Variants in GUCA2B observed in about 807,000 individuals in gnomAD.
The protein encoded by GUCA2B is guanylate cyclase activator 2B.
In GUCA2B, 7 loss-of-function variants were observed where a neutral mutation model predicts 11.1. The observed-to-expected ratio is 0.63, with a 90% CI of 0.36 to 1.18. The LOEUF (loss-of-function observed/expected upper bound fraction) is 1.18. GUCA2B is among the 50% of genes most tolerant of loss of function. The pLI is 0.02. For missense variants in GUCA2B, 140 were observed against 142.5 expected (o/e 0.98, Z 0.09); for synonymous variants, 69 against 65.3 (o/e 1.06, Z -0.27).
At position 42,155,534 on chromosome 1, in the gene GUCA2B, G is replaced by A; in HGVS notation, c.278-1G>A. On this transcript the variant is annotated splice_acceptor_variant, in intron 2 of 2. Transcript: ENST00000372581. LOFTEE classifies it high-confidence loss of function. ...AACTGACCAGTTCTCTCCCTGCCCA[G>A]GGACCATCGCTAACGACGACTGTGA... 1 of 1,613,676 alleles carries A rather than the reference G, an allele frequency of 6.2e-7. No individual in the cohort carries two copies. Among genetic ancestry groups the A allele is most frequent in the Non-Finnish European group, 8.5e-7 (1 of 1,179,576 alleles).
In GUCA2B at chr1:42,154,755, C is replaced by A. The variant is rs774560537; in HGVS notation, c.166C>A (p.Arg56Ser). The stretch of plus-strand genomic sequence containing the variant: ...GGAGGCACAGTGGGCACCCAGCCCC[C>A]GCCTGCAGGCCCAGAGCCTCCTGCC... ...DLEAQWAPSP[R>S]LQAQSLLPAV... is the part of the protein sequence containing the mutation. Residue 56 changes from arginine (R) to serine (S), a missense_variant, in exon 2 of 3, where the codon CGC becomes AGC. Transcript: ENST00000372581. 1 of 1,613,912 alleles carries A rather than the reference C, an allele frequency of 6.2e-7. No homozygotes were observed. The highest frequency in any genetic ancestry group is 2.2e-5 in the East Asian group (1 of 44,884).
At position 42,153,518 on chromosome 1, in the gene GUCA2B, G is replaced by A; in HGVS notation, c.68G>A (p.Ser23Asn). 5.6e-6 allele frequency: 9 copies of A among 1,612,250 alleles called. No homozygotes were observed. Among genetic ancestry groups the A allele is most frequent in the Non-Finnish European group, 7.6e-6 (9 of 1,179,060 alleles). ...GTGGTCCTCCTGCTGCTGCTGCAGA[G>A]CACACAGTCAGTCTACATCCAGGTG... Reference protein sequence around the residue: ...VAVVLLLLLQSTQSVYIQYQG... With the variant: ...VAVVLLLLLQNTQSVYIQYQG... Residue 23 changes from serine (S) to asparagine (N), a missense_variant, in exon 1 of 3, where the codon AGC becomes AAC. Transcript: ENST00000372581.
At position 42,154,785 on chromosome 1, in the gene GUCA2B, G is replaced by A. The variant is rs544541287; in HGVS notation, c.196G>A (p.Val66Met). 14 of 1,613,948 alleles carry A rather than the reference G, an allele frequency of 8.7e-6. No individual in the cohort carries two copies. The highest frequency in any genetic ancestry group is 2.7e-5 in the African/African-American group (2 of 74,946). The change falls in exon 2 of 3, where the codon GTG (valine) becomes ATG (methionine). Residue 66 changes from valine (V) to methionine (M), a missense_variant. By Grantham distance (21) the Val-to-Met change is conservative. Transcript: ENST00000372581. ...GCAGGCCCAGAGCCTCCTGCCCGCC[G>A]TGTGCCACCACCCTGCTCTGCCTCA... is the stretch of plus-strand genomic sequence containing the variant. ...RLQAQSLLPA[V>M]CHHPALPQDL... is the part of the protein sequence containing the mutation.
Position 42,153,434 on chromosome 1 carries a change from G to T in GUCA2B, c.-17G>T. ...TGGGAGACGGTGGACAGCGGCAGGGGGAACCCAGGGAGCGCGATGGGCTGC... is the reference window on the plus strand; with the variant it reads ...TGGGAGACGGTGGACAGCGGCAGGGTGAACCCAGGGAGCGCGATGGGCTGC... On this transcript the variant is annotated 5_prime_UTR_variant, in exon 1 of 3. Coordinates refer to ENST00000372581, the MANE Select transcript of GUCA2B (RefSeq NM_007102.3). The T allele has an allele frequency of 1.3e-6, 2 of 1,590,754 alleles. No homozygotes were observed. The highest frequency in any genetic ancestry group is 1.7e-6 in the Non-Finnish European group (2 of 1,162,438).
intron 1 of GUCA2B, among the ~76,000 whole-genome samples, chr1:42,153,916 G>A (rs147681847): frequency 6.6e-6 from 1 of 152,286 alleles, no homozygotes; most frequent in African/African-American, 2.4e-5. Flanking sequence ...AGGAGGACAG[G>A]CTCCAGAAAA....
intron 1 of GUCA2B, 67 bp downstream of exon 1, chr1:42,153,607 G>C: frequency 1.7e-6 from 2 of 1,185,834 alleles, no homozygotes; most frequent in Non-Finnish European, 2.5e-6. Context: ...GCTGGAGAGG[G>C]TGTACTGGGA....
chr1:42,155,704 G>GC lies in GUCA2B; in HGVS notation c.*108_*109insC. The GC allele has an allele frequency of 1.2e-6, 1 of 851,078 alleles. No individual in the cohort carries two copies. The highest frequency in any genetic ancestry group is 1.8e-5 in the Admixed American group (1 of 56,856). The allele number at this position is 851,078 out of a possible 1,614,324, so 52.7% of individuals were successfully genotyped here. On this transcript the variant is annotated 3_prime_UTR_variant, in exon 3 of 3. Coordinates refer to ENST00000372581, the MANE Select transcript of GUCA2B (RefSeq NM_007102.3). ...CTCAAGATGGGTCCCTGGCCACCATGGTCATCACCACCCTTCCAGGGCCTG... is the reference window on the plus strand; with the variant it reads ...CTCAAGATGGGTCCCTGGCCACCATGCGTCATCACCACCCTTCCAGGGCCTG...
chr1:42,154,878 C>T lies in GUCA2B; in HGVS notation c.277+12C>T, dbSNP rs562918827. 2.6e-5 allele frequency: 41 copies of T among 1,599,336 alleles called. No individual in the cohort carries two copies. The African/African-American group carries it at 4.4e-4, about 17-fold the overall frequency. ...CTTCAAGACCCTGAGTAAGTGCCCC[C>T]GCTCCCTGCAGAACCTCGCTCTGTC... On this transcript the variant is annotated intron_variant, in intron 2 of 2. Transcript: ENST00000372581.
rs773766454 is a variant in GUCA2B, at chr1:42,153,493, G to A, written c.43G>A (p.Val15Met). 19 of 1,612,668 alleles carry A rather than the reference G, an allele frequency of 1.2e-5. 1 individual carries two copies. Among genetic ancestry groups the A allele is most frequent in the Admixed American group, 6.7e-5 (4 of 60,008 alleles). The change falls in exon 1 of 3, where the codon GTG (valine) becomes ATG (methionine). Residue 15 changes from valine to methionine, a missense_variant. Physicochemically the swap from Val to Met is conservative, Grantham distance 21 (BLOSUM62 1). Coordinates refer to ENST00000372581, the MANE Select transcript of GUCA2B (RefSeq NM_007102.3). ...AASGLLPGVA[V>M]VLLLLLQSTQ... ...ATCAGGGCTCCTGCCAGGAGTGGCCGTGGTCCTCCTGCTGCTGCTGCAGAG... is the reference window on the plus strand; with the variant it reads ...ATCAGGGCTCCTGCCAGGAGTGGCCATGGTCCTCCTGCTGCTGCTGCAGAG...
chr1:42,154,247 A>T (rs1646097505), intron 1 of GUCA2B, among the ~76,000 whole-genome samples: 1 of 152,146 alleles, frequency 6.6e-6, no homozygotes. Flanking sequence ...AGAGGGGTGC[A>T]GGAGACTTGG....
Position 42,154,693 on chromosome 1 carries a change from G to A in GUCA2B, c.104G>A (p.Arg35Gln), listed in dbSNP as rs538392274. The change falls in exon 2 of 3, where the codon CGG (arginine) becomes CAG (glutamine). Residue 35 changes from arginine (R) to glutamine (Q), a missense_variant. Transcript: ENST00000372581. Reference sequence around the variant, plus strand: ...CCCTGTCTGTAGTACCAAGGCTTCCGGGTCCAGCTGGAATCCATGAAGAAG... The same window carrying A: ...CCCTGTCTGTAGTACCAAGGCTTCCAGGTCCAGCTGGAATCCATGAAGAAG... The part of the protein sequence containing the change: ...QSVYIQYQGF[R>Q]VQLESMKKLS... 25 of 1,613,986 alleles carry A rather than the reference G, an allele frequency of 1.5e-5. No homozygotes were observed. Among genetic ancestry groups the A allele is most frequent in the East Asian group, 6.7e-5 (3 of 44,874 alleles).
At chr1:42,153,781 C>T (rs1289734836) in intron 1 of GUCA2B, among the ~76,000 whole-genome samples, 3 of 152,186 alleles carry the variant, frequency 2.0e-5, no homozygotes, top group East Asian at 1.9e-4. Flanking sequence ...CTCAAAGGCC[C>T]GTGCTGGTCA....
In GUCA2B at chr1:42,155,532, C is replaced by T. The variant is rs370778592; in HGVS notation, c.278-3C>T. 3.1e-4 allele frequency: 504 copies of T among 1,613,440 alleles called. 2 individuals are homozygous for T. The highest frequency in any genetic ancestry group is 2.1e-4 in the South Asian group (19 of 91,078). ...TCAACTGACCAGTTCTCTCCCTGCC[C>T]AGGGACCATCGCTAACGACGACTGT... On this transcript the variant is annotated splice_region_variant and splice_polypyrimidine_tract_variant and intron_variant, in intron 2 of 2. Transcript: ENST00000372581.
At position 42,155,655 on chromosome 1, in the gene GUCA2B, G is replaced by A. The variant is rs1291131284; in HGVS notation, c.*59G>A. The A allele has an allele frequency of 1.6e-5, 21 of 1,322,782 alleles. No homozygotes were observed. The highest frequency in any genetic ancestry group is 2.9e-5 in the African/African-American group (2 of 69,480). 81.9% of individuals were successfully genotyped at this position (1,322,782 alleles called of 1,614,324 possible). A position where few individuals can be genotyped will look rare whatever the true frequency, so the allele number is the denominator to read the frequency against. On this transcript the variant is annotated 3_prime_UTR_variant, in exon 3 of 3. Coordinates refer to ENST00000372581, the MANE Select transcript of GUCA2B (RefSeq NM_007102.3). The stretch of plus-strand genomic sequence containing the variant: ...ACCTCGCCCTTCAGCCCACCACCCT[G>A]GCAGGCTTCCATCCCCGTCCATGCT...
chr1:42,154,056 G>C lies in GUCA2B; in HGVS notation c.90+516G>C, dbSNP rs57302534. Among the ~76,000 whole-genome samples the C allele has an allele frequency of 4.2e-3, 638 of 152,316 alleles. 3 individuals carry two copies. The highest frequency in any genetic ancestry group is 0.015 in the African/African-American group (626 of 41,572). On this transcript the variant is annotated intron_variant, in intron 1 of 2. Coordinates refer to ENST00000372581, the MANE Select transcript of GUCA2B (RefSeq NM_007102.3). ...CAAAGACCAGATAGAAGACTATGGG[G>C]GTTCCAGTGCCCTTCCAGGGGGCAT...
intron 2 of GUCA2B, among the ~76,000 whole-genome samples, chr1:42,155,310 C>T (rs1452560943): frequency 6.6e-6 from 1 of 152,184 alleles, no homozygotes; most frequent in Non-Finnish European, 1.5e-5. Flanking sequence ...TGACCCTGTC[C>T]ATTTAGCAAA....
intron 1 of GUCA2B, 58 bp downstream of exon 1, chr1:42,153,598 C>T: frequency 1.6e-6 from 2 of 1,255,994 alleles, no homozygotes. Flanking sequence ...GGAGGCTAGG[C>T]TGGAGAGGGT....
At position 42,154,764 on chromosome 1, in the gene GUCA2B, G is replaced by A. The variant is rs752782640; in HGVS notation, c.175G>A (p.Ala59Thr). ...GTGGGCACCCAGCCCCCGCCTGCAG[G>A]CCCAGAGCCTCCTGCCCGCCGTGTG... ...AQWAPSPRLQ[A>T]QSLLPAVCHH... is the part of the protein sequence containing the mutation. Residue 59 changes from alanine to threonine, a missense_variant, in exon 2 of 3, where the codon GCC becomes ACC. Transcript: ENST00000372581. The A allele has an allele frequency of 3.7e-6, 6 of 1,613,878 alleles. No homozygotes were observed. The African/African-American group carries it at 8.0e-5, about 22-fold the overall frequency.
At chr1:42,155,460 C>T (rs1646104726) in intron 2 of GUCA2B, 75 bp from the exon 3 acceptor site, 5 of 1,199,644 alleles carry the variant, frequency 4.2e-6, no homozygotes, top group Admixed American at 3.4e-5. Context: ...CGCCCATTCC[C>T]AAGCAGACCT....
Sources: allele counts gnomAD v4.1 joint callset (sites outside exome capture counted in the v4.1 genomes callset), GRCh38; gene constraint gnomAD v4.1.1; transcripts MANE v1.5; gene names NCBI Gene and HGNC (gene_info 2026-07-23, HGNC 2026-07-21).